SH3GL3: variants seen among roughly 807,000 people sequenced by gnomAD.
SH3GL3 encodes the protein SH3 domain containing GRB2 like 3, endophilin A3.
Under a neutral mutation model 47.7 loss-of-function variants are expected in SH3GL3, and 33 were observed. The ratio of observed to expected loss-of-function variants is 0.69; its 90% CI spans 0.52 to 0.92. SH3GL3 has a LOEUF of 0.92. Ranked by LOEUF, SH3GL3 falls within the 40% of genes least tolerant of loss-of-function variation. The probability of loss-of-function intolerance (pLI) is 0.00; values close to 1 mark genes in which losing one functional copy is unlikely to be tolerated. For synonymous variants in SH3GL3, 155 were observed against 148.8 expected (o/e 1.04, Z -0.30); for missense variants, 363 against 417.8 (o/e 0.87, Z 1.14).
chr15:83,523,898 A>C (rs2043306159), intron 1 of SH3GL3, among the ~76,000 whole-genome samples: 1 of 151,912 alleles, frequency 6.6e-6, no homozygotes, highest in Non-Finnish European at 1.5e-5. Context: ...AAACATCAAA[A>C]TCCTCCAAAA....
At chr15:83,585,213 T>G (rs2059925220) in intron 6 of SH3GL3, among the ~76,000 whole-genome samples, 1 of 152,180 alleles carries the variant, frequency 6.6e-6, no homozygotes, top group Non-Finnish European at 1.5e-5. Flanking sequence ...TGCCATTGTT[T>G]CCCAAGGTTT....
At chr15:83,628,576 C>T in the SH3GL3 span, among the ~76,000 whole-genome samples, 1 of 152,040 alleles carries the variant, frequency 6.6e-6, no homozygotes. Flanking sequence ...AACCCTATTT[C>T]TACTAAAAGT....
intron 4 of SH3GL3, among the ~76,000 whole-genome samples, chr15:83,571,099 G>T (rs2045793167): frequency 6.6e-6 from 1 of 152,164 alleles, no homozygotes; most frequent in Admixed American, 6.5e-5. Flanking sequence ...TTTTCTTTTG[G>T]GGGGCCACAT....
intron 8 of SH3GL3, among the ~76,000 whole-genome samples, chr15:83,606,746 C>G (rs185002893): frequency 6.6e-6 from 1 of 152,154 alleles, no homozygotes; most frequent in Admixed American, 6.5e-5. Flanking sequence ...TTCTTAGCAC[C>G]TCTAGACCGA....
chr15:83,473,609 A>C (rs1340054948), intron 1 of SH3GL3, among the ~76,000 whole-genome samples: 1 of 150,566 alleles, frequency 6.6e-6, no homozygotes, highest in Non-Finnish European at 1.5e-5. Flanking sequence ...GTGCAGTGGC[A>C]CGATCTTGGC....
chr15:83,520,815 C>T (rs1318782886), intron 1 of SH3GL3, among the ~76,000 whole-genome samples: 1 of 152,034 alleles, frequency 6.6e-6, no homozygotes, highest in Non-Finnish European at 1.5e-5. Context: ...TCCCACCCAC[C>T]CCCACAACAC....
At chr15:83,539,280 G>A (rs2044054646) in intron 1 of SH3GL3, among the ~76,000 whole-genome samples, 1 of 152,170 alleles carries the variant, frequency 6.6e-6, no homozygotes, top group Non-Finnish European at 1.5e-5. Flanking sequence ...CAGATCTGGT[G>A]TCTGATAAGG....
At position 83,578,449 on chromosome 15, in the gene SH3GL3, C is replaced by G. The variant is rs865961413; in HGVS notation, c.624+1708C>G. Among the ~76,000 whole-genome samples, 2 of 152,310 alleles carry G rather than the reference C, an allele frequency of 1.3e-5. 1 individual carries two copies. Among genetic ancestry groups the G allele is most frequent in the Middle Eastern group, 6.8e-3 (2 of 294 alleles). On this transcript the variant is annotated intron_variant, in intron 6 of 8. Coordinates refer to ENST00000427482, the MANE Select transcript of SH3GL3 (RefSeq NM_003027.5). ...TTATAACAGTTTATTTAAAGGTACA[C>G]TGAGGTCTTACATCCTTTGAGTCAA...
chr15:83,491,637 G>A (rs1245303510), intron 1 of SH3GL3, among the ~76,000 whole-genome samples: 4 of 152,194 alleles, frequency 2.6e-5, no homozygotes, highest in Non-Finnish European at 4.4e-5. Context: ...TGTTTGAAAG[G>A]TGCTGTAAGG....
Position 83,583,343 on chromosome 15 carries a change from G to A in SH3GL3, c.625-3640G>A, listed in dbSNP as rs2115542. ...ATTGCTAAAGGGTCAGAGGAGGAGG[G>A]TTCCCAGCCCTGCTCCTTCTAGGCA... On this transcript the variant is annotated intron_variant, in intron 6 of 8. Transcript: ENST00000427482. 1.9e-3 allele frequency among the ~76,000 whole-genome samples: 290 copies of A among 152,296 alleles called. 8 individuals carry two copies. The East Asian group carries it at 0.052, about 27-fold the overall frequency.
intron 1 of SH3GL3, among the ~76,000 whole-genome samples, chr15:83,476,065 TA>T (rs1271016067): frequency 2.0e-5 from 3 of 152,234 alleles, no homozygotes; most frequent in African/African-American, 7.2e-5. Context: ...AGGTCTCATT[TA>T]ATCCTCATAA....
chr15:83,601,681 G>A (rs561136583), intron 8 of SH3GL3, among the ~76,000 whole-genome samples: 4 of 151,932 alleles, frequency 2.6e-5, no homozygotes, highest in Non-Finnish European at 5.9e-5. Context: ...TCCCTTCCTG[G>A]TTTTGGTATT....
chr15:83,459,977 TCCCTTTC>T, intron 1 of SH3GL3, among the ~76,000 whole-genome samples: 1 of 135,592 alleles, frequency 7.4e-6, no homozygotes, highest in Non-Finnish European at 1.6e-5. Flanking sequence ...ATTGTGACCT[TCCCTTTC>T]CCCTTTCCCT....
intron 1 of SH3GL3, among the ~76,000 whole-genome samples, chr15:83,548,925 C>T (rs1478725168): frequency 2.6e-5 from 4 of 152,030 alleles, no homozygotes; most frequent in African/African-American, 9.7e-5. Context: ...TTCACCATGT[C>T]TGATGTGCTT....
At chr15:83,591,471 A>AG (rs2060095616) in intron 8 of SH3GL3, among the ~76,000 whole-genome samples, 1 of 5,948 alleles carries the variant, frequency 1.7e-4, no homozygotes, top group African/African-American at 6.9e-4. Flanking sequence ...CTATCCTTAA[A>AG]GGTTTTTTTT....
At chr15:83,622,091 G>A (rs2060917027), downstream of SH3GL3, among the ~76,000 whole-genome samples, 2 of 152,280 alleles carry the variant, frequency 1.3e-5, no homozygotes, top group South Asian at 4.1e-4. Flanking sequence ...GCCAGGTGCT[G>A]TTCCAAACAT....
Position 83,447,467 on chromosome 15 carries a change from A to C in SH3GL3, c.-67A>C. 2 of 1,382,162 alleles carry C rather than the reference A, an allele frequency of 1.4e-6. No individual in the cohort carries two copies. Among genetic ancestry groups the C allele is most frequent in the Non-Finnish European group, 1.9e-6 (2 of 1,052,998 alleles). 85.6% of individuals were successfully genotyped at this position (1,382,162 alleles called of 1,614,324 possible). A position where few individuals can be genotyped will look rare whatever the true frequency, so the allele number is the denominator to read the frequency against. On this transcript the variant is annotated 5_prime_UTR_variant, in exon 1 of 9. Coordinates refer to ENST00000427482, the MANE Select transcript of SH3GL3 (RefSeq NM_003027.5). The surrounding 1 kb of genome is among the most constrained non-coding windows in gnomAD (Gnocchi z 5.1). ...GACCGGCCCGGGCTCCCGCTCCCCG[A>C]GCGCGTCGCGGCCGCGTGGCCCAGC...
the SH3GL3 span, among the ~76,000 whole-genome samples, chr15:83,624,640 A>G: frequency 1.3e-5 from 2 of 152,200 alleles, no homozygotes; most frequent in African/African-American, 4.8e-5. Context: ...CCTTTGACAT[A>G]AAGATTCCTC....
At chr15:83,559,467 C>A (rs1389290455) in intron 2 of SH3GL3, 146 bp downstream of exon 2, 2 of 594,886 alleles carry the variant, frequency 3.4e-6, no homozygotes, top group Non-Finnish European at 6.1e-6. Context: ...CAGTACTTTC[C>A]CACGTCCCAG....
Sources: gnomAD v4.1 joint callset for allele counts (sites outside exome capture counted in the v4.1 genomes callset) on GRCh38, gnomAD v4.1.1 for gene constraint, Gnocchi (gnomAD v3.1) non-coding constraint, MANE v1.5 for transcripts, NCBI Gene and HGNC (gene_info 2026-07-23, HGNC 2026-07-21) for gene names.